The following MAGI1 variants were observed in gnomAD, a reference collection of about 807,000 sequenced individuals.
MAGI1 encodes the protein membrane associated guanylate kinase, WW and PDZ domain containing 1, also known as membrane-associated guanylate kinase, WW and PDZ domain-containing protein 1.
Under a neutral mutation model 139.9 loss-of-function variants are expected in MAGI1, and 58 were observed. The ratio of observed to expected loss-of-function variants is 0.41; its 90% confidence interval spans 0.34 to 0.52. The LOEUF (loss-of-function observed/expected upper bound fraction) is 0.52. Among genes scored for constraint, MAGI1 ranks in the 20% least tolerant of loss-of-function variants. The probability of loss-of-function intolerance (pLI) is 0.12; values close to 1 mark genes in which losing one functional copy is unlikely to be tolerated. For missense variants in MAGI1, 1,874 were observed against 1,901.6 expected (o/e 0.99, Z 0.27); for synonymous variants, 812 against 737.9 (o/e 1.10, Z -1.63).
intron 1 of MAGI1, among the ~76,000 whole-genome samples, chr3:65,651,441 A>T (rs1047078538): frequency 1.3e-5 from 2 of 152,128 alleles, no homozygotes; most frequent in African/African-American, 4.8e-5. Context: ...CAGGATGCAG[A>T]TCTGGCAGCT....
intron 16 of MAGI1, among the ~76,000 whole-genome samples, chr3:65,381,433 A>T (rs1396813051): frequency 6.6e-6 from 1 of 152,008 alleles, no homozygotes; most frequent in Non-Finnish European, 1.5e-5. Flanking sequence ...AAAAAAAAAA[A>T]TCTTGGTTTA....
At chr3:65,940,204 A>C (rs981055374) in intron 1 of MAGI1, among the ~76,000 whole-genome samples, 5 of 152,214 alleles carry the variant, frequency 3.3e-5, no homozygotes, top group African/African-American at 1.2e-4. Context: ...GAGAGCGCTT[A>C]GGGAAAGCAA....
chr3:65,423,550 T>C (rs531714199), intron 12 of MAGI1, among the ~76,000 whole-genome samples: 1 of 152,368 alleles, frequency 6.6e-6, no homozygotes, highest in East Asian at 1.9e-4. Context: ...CTTCAGGCTT[T>C]ACTCATTTCT....
chr3:65,497,113 A>G (rs1952513110), intron 2 of MAGI1, among the ~76,000 whole-genome samples: 1 of 152,130 alleles, frequency 6.6e-6, no homozygotes, highest in South Asian at 2.1e-4. Context: ...GCTGACCTTA[A>G]AAGTCTGAAG....
At chr3:65,941,298 G>T (rs952265654) in intron 1 of MAGI1, among the ~76,000 whole-genome samples, 1 of 151,248 alleles carries the variant, frequency 6.6e-6, no homozygotes, top group Non-Finnish European at 1.5e-5. Flanking sequence ...AGTGAGCCGA[G>T]ATTGAGCCAC....
Position 65,736,608 on chromosome 3 carries a change from C to T in MAGI1, c.314-114520G>A, listed in dbSNP as rs146045843. Among the ~76,000 whole-genome samples, 72 of 152,182 alleles carry T rather than the reference C, an allele frequency of 4.7e-4. 2 individuals are homozygous for T. In the East Asian group the frequency reaches 0.011, roughly 23 times the overall value. ...GCACTGGTATAAATCCTCCAGAGAC[C>T]GAAGACCCAGAAACCAAGAGCTCCA... On this transcript the variant is annotated intron_variant, in intron 1 of 22. Coordinates refer to ENST00000402939, the MANE Select transcript of MAGI1 (RefSeq NM_001033057.2).
intron 1 of MAGI1, among the ~76,000 whole-genome samples, chr3:65,780,393 T>C (rs191681692): frequency 9.8e-5 from 15 of 152,344 alleles, no homozygotes; most frequent in African/African-American, 3.1e-4. Flanking sequence ...CAACTTGGCC[T>C]AAATACTTGC....
chr3:65,488,646 A>G (rs901034023), intron 3 of MAGI1, among the ~76,000 whole-genome samples: 1 of 150,978 alleles, frequency 6.6e-6, no homozygotes, highest in Non-Finnish European at 1.5e-5. Context: ...CGGCCTACTC[A>G]TCACTTTTCT....
At position 65,590,163 on chromosome 3, in the gene MAGI1, TC is replaced by T. The variant is rs1384827775; in HGVS notation, c.430+31808del. ...TCCCTGACCTGAATTCTAGACAAAG[TC>T]AGGTCAGTCTCTGTGCTCCCCCAGC... On this transcript the variant is annotated intron_variant, in intron 2 of 22. Coordinates refer to ENST00000402939, the MANE Select transcript of MAGI1 (RefSeq NM_001033057.2). 7.9e-5 allele frequency among the ~76,000 whole-genome samples: 12 copies of T among 152,248 alleles called. No individual in the cohort carries two copies. The East Asian group carries it at 1.9e-3, about 25-fold the overall frequency.
intron 18 of MAGI1, among the ~76,000 whole-genome samples, chr3:65,367,818 C>T (rs1941581710): frequency 6.6e-6 from 1 of 152,154 alleles, no homozygotes; most frequent in Admixed American, 6.5e-5. Flanking sequence ...CTAATTGGAA[C>T]ATTCCTTTCA....
chr3:65,711,104 A>G (rs2031341578), intron 1 of MAGI1, among the ~76,000 whole-genome samples: 1 of 152,238 alleles, frequency 6.6e-6, no homozygotes, highest in African/African-American at 2.4e-5. Flanking sequence ...ATGTCCATTC[A>G]ACAACTAGTC....
chr3:65,553,272 T>A (rs141947009), intron 2 of MAGI1, among the ~76,000 whole-genome samples: 1 of 152,070 alleles, frequency 6.6e-6, no homozygotes, highest in Non-Finnish European at 1.5e-5. Flanking sequence ...AGTTTCTACA[T>A]CAAACTCACT....
In MAGI1 at chr3:65,463,880, T is replaced by C. The variant is rs573775954; in HGVS notation, c.959+6403A>G. On this transcript the variant is annotated intron_variant, in intron 5 of 22. Transcript: ENST00000402939. ...GTGGGTGTATGTGTCCAGGAATTTA[T>C]CCATTTCTTCTAGATTTTCTAGTTT... 2.7e-5 allele frequency among the ~76,000 whole-genome samples: 4 copies of C among 150,366 alleles called. No homozygotes were observed. The East Asian group carries it at 5.8e-4, about 22-fold the overall frequency.
intron 1 of MAGI1, among the ~76,000 whole-genome samples, chr3:65,635,900 T>G (rs2084587555): frequency 6.6e-6 from 1 of 152,202 alleles, no homozygotes; most frequent in Non-Finnish European, 1.5e-5. Flanking sequence ...TCATTCTGAC[T>G]GCATTACAGT....
chr3:65,478,903 C>G, intron 3 of MAGI1, 105 bp from the exon 4 acceptor site: 1 of 826,028 alleles, frequency 1.2e-6, no homozygotes, highest in Non-Finnish European at 2.0e-6. Context: ...AAAAATTAAA[C>G]TAGAAAACCA....
At chr3:65,722,464 T>A (rs963180991) in intron 1 of MAGI1, among the ~76,000 whole-genome samples, 17 of 139,596 alleles carry the variant, frequency 1.2e-4, no homozygotes, top group African/African-American at 4.7e-4. Flanking sequence ...CAAAACCTTG[T>A]CTCTGCCAAA....
At chr3:65,834,545 C>G (rs1460765827) in intron 1 of MAGI1, among the ~76,000 whole-genome samples, 1 of 152,168 alleles carries the variant, frequency 6.6e-6, no homozygotes, top group Non-Finnish European at 1.5e-5. Context: ...AAAATAATAT[C>G]TATTCTACTT....
At chr3:66,011,451 G>A (rs182301314) in intron 1 of MAGI1, among the ~76,000 whole-genome samples, 225 of 152,002 alleles carry the variant, frequency 1.5e-3, no homozygotes, top group Non-Finnish European at 2.3e-3. Flanking sequence ...ACACCCCTAT[G>A]TCATATGCCC....
At chr3:65,914,162 C>G (rs975233322) in intron 1 of MAGI1, 6 of 152,174 alleles carry the variant, frequency 3.9e-5, no homozygotes. Flanking sequence ...AAGAGATGCA[C>G]CATATGACTA....
Sources: allele counts gnomAD v4.1 joint callset (sites outside exome capture counted in the v4.1 genomes callset), GRCh38; gene constraint gnomAD v4.1.1; transcripts MANE v1.5; gene names NCBI Gene and HGNC (gene_info 2026-07-23, HGNC 2026-07-21).